CCDC60: variants seen among roughly 807,000 people sequenced by gnomAD.
The protein encoded by CCDC60 is coiled-coil domain containing 60.
Under a neutral mutation model 63.5 loss-of-function variants are expected in CCDC60, and 54 were observed. That is an observed-to-expected ratio of 0.85 (90% CI 0.68 to 1.07). The LOEUF (loss-of-function observed/expected upper bound fraction) is 1.07. CCDC60 is among the 50% of genes least tolerant of loss of function. The pLI is 0.00. For synonymous variants in CCDC60, 206 were observed against 238.8 expected (o/e 0.86, Z 1.27); for missense variants, 651 against 684.3 (o/e 0.95, Z 0.54).
At chr12:119,501,877 C>T (rs573639613) in intron 6 of CCDC60, among the ~76,000 whole-genome samples, 1 of 152,312 alleles carries the variant, frequency 6.6e-6, no homozygotes, top group South Asian at 2.1e-4. Context: ...CTCAATTAGG[C>T]TGCAGGAGAC....
chr12:119,473,254 C>T (rs1053013049), intron 3 of CCDC60, among the ~76,000 whole-genome samples: 1 of 152,124 alleles, frequency 6.6e-6, no homozygotes, highest in Non-Finnish European at 1.5e-5. Flanking sequence ...GAGGCACAAA[C>T]CAAGGATGGA....
At chr12:119,453,356 A>T (rs1207731710) in intron 2 of CCDC60, among the ~76,000 whole-genome samples, 1 of 152,134 alleles carries the variant, frequency 6.6e-6, no homozygotes, top group Non-Finnish European at 1.5e-5. Context: ...TGAGATAGAG[A>T]TTAAATCAAA....
intron 2 of CCDC60, 139 bp from the exon 3 acceptor site, chr12:119,471,855 C>A: frequency 9.4e-6 from 5 of 533,860 alleles, no homozygotes; most frequent in East Asian, 3.2e-5. Context: ...TCTATTTCTA[C>A]CTGTTTCTTT....
At chr12:119,507,553 T>C (rs1310168007) in intron 7 of CCDC60, among the ~76,000 whole-genome samples, 1 of 48,898 alleles carries the variant, frequency 2.0e-5, no homozygotes, top group Non-Finnish European at 3.6e-5. Flanking sequence ...TATATATACA[T>C]ATATATATAT....
At chr12:119,493,398 T>C (rs1436833466) in intron 5 of CCDC60, among the ~76,000 whole-genome samples, 2 of 152,190 alleles carry the variant, frequency 1.3e-5, no homozygotes, top group South Asian at 2.1e-4. Flanking sequence ...GTTACTGTGC[T>C]GCAAGCAGAA....
chr12:119,337,580 T>C (rs1307548685), intron 1 of CCDC60, among the ~76,000 whole-genome samples: 1 of 152,252 alleles, frequency 6.6e-6, no homozygotes, highest in Admixed American at 6.5e-5. Flanking sequence ...TATTGTTATT[T>C]CATTTATTTA....
intron 13 of CCDC60, among the ~76,000 whole-genome samples, chr12:119,531,686 T>C (rs1390092291): frequency 6.6e-6 from 1 of 151,912 alleles, no homozygotes; most frequent in Admixed American, 6.6e-5. Context: ...ACTCAGTGAG[T>C]ATGGAAGGAA....
intron 2 of CCDC60, among the ~76,000 whole-genome samples, chr12:119,467,700 C>T (rs1044586087): frequency 2.0e-5 from 3 of 152,206 alleles, no homozygotes; most frequent in Admixed American, 2.0e-4. Flanking sequence ...CAGAGTCCAC[C>T]CCATCTCTGT....
intron 1 of CCDC60, among the ~76,000 whole-genome samples, chr12:119,426,127 G>T (rs1458156232): frequency 1.3e-5 from 2 of 152,094 alleles, no homozygotes; most frequent in Non-Finnish European, 1.5e-5. Context: ...AACACTGATG[G>T]GTCTGCCATC....
chr12:119,461,554 A>T (rs921182953), intron 2 of CCDC60, among the ~76,000 whole-genome samples: 2 of 152,176 alleles, frequency 1.3e-5, no homozygotes, highest in Non-Finnish European at 2.9e-5. Flanking sequence ...CCATACAGAG[A>T]ACATACGTTC....
intron 1 of CCDC60, among the ~76,000 whole-genome samples, chr12:119,365,540 C>T (rs867119635): frequency 1.1e-4 from 16 of 151,932 alleles, no homozygotes; most frequent in African/African-American, 3.9e-4. Flanking sequence ...TTTTGTTTTG[C>T]GGTCAGAGGC....
chr12:119,528,305 A>T (rs74467538), intron 11 of CCDC60, among the ~76,000 whole-genome samples: 12,327 of 152,112 alleles, frequency 0.081, 618 homozygotes, highest in Non-Finnish European at 0.11. Flanking sequence ...TCACCTCTGG[A>T]AAATAGGAAT....
At chr12:119,342,000 A>C (rs78756448) in intron 1 of CCDC60, among the ~76,000 whole-genome samples, 12,204 of 152,292 alleles carry the variant, frequency 0.08, 639 homozygotes, top group Middle Eastern at 0.18. Context: ...CACCATATAT[A>C]AATTAGGGTT....
chr12:119,520,088 G>T (rs1327313318), intron 8 of CCDC60, 33 bp from the exon 9 acceptor site: 2 of 1,595,164 alleles, frequency 1.3e-6, no homozygotes, highest in Non-Finnish European at 8.6e-7. Context: ...CATGAATTCA[G>T]CGCCTTGTTA....
intron 1 of CCDC60, among the ~76,000 whole-genome samples, chr12:119,347,814 G>C (rs897605542): frequency 6.6e-6 from 1 of 152,142 alleles, no homozygotes; most frequent in African/African-American, 2.4e-5. Context: ...TGCCTCATCG[G>C]GTTGTTGAGA....
At chr12:119,459,891 C>T (rs1030345242) in intron 2 of CCDC60, among the ~76,000 whole-genome samples, 2 of 152,220 alleles carry the variant, frequency 1.3e-5, no homozygotes, top group Admixed American at 6.5e-5. Flanking sequence ...TAATAAATCA[C>T]TGTGCTGTCC....
At chr12:119,344,382 C>T (rs1229740694) in intron 1 of CCDC60, among the ~76,000 whole-genome samples, 1 of 152,116 alleles carries the variant, frequency 6.6e-6, no homozygotes, top group Non-Finnish European at 1.5e-5. Context: ...CCGTCATGTA[C>T]CCAGTTGTTC....
intron 1 of CCDC60, among the ~76,000 whole-genome samples, chr12:119,337,057 T>C (rs1955479217): frequency 6.6e-6 from 1 of 152,144 alleles, no homozygotes; most frequent in Admixed American, 6.5e-5. Flanking sequence ...GAAGGAGAGC[T>C]TAAAACTCAC....
At chr12:119,484,134 G>A (rs1951386421) in intron 4 of CCDC60, among the ~76,000 whole-genome samples, 2 of 152,186 alleles carry the variant, frequency 1.3e-5, no homozygotes, top group African/African-American at 4.8e-5. Flanking sequence ...CAGACTGCCT[G>A]GGCTCACATT....
Sources: allele counts gnomAD v4.1 joint callset (sites outside exome capture counted in the v4.1 genomes callset), GRCh38; gene constraint gnomAD v4.1.1; transcripts MANE v1.5; gene names NCBI Gene and HGNC (gene_info 2026-07-23, HGNC 2026-07-21).